Variants in ISM2 observed in about 807,000 individuals in gnomAD.
ISM2 encodes isthmin-2.
In ISM2, 50 loss-of-function variants were observed where a neutral mutation model predicts 58.0. That is an observed-to-expected ratio of 0.86 (90% CI 0.69 to 1.09). The LOEUF (loss-of-function observed/expected upper bound fraction) is 1.09, where lower values mean the gene tolerates loss of function less well. Ranked by LOEUF, ISM2 falls within the 50% of genes least tolerant of loss-of-function variation. The probability of loss-of-function intolerance (pLI) is 0.00; values close to 1 mark genes in which losing one functional copy is unlikely to be tolerated. For missense variants in ISM2, 723 were observed against 745.0 expected (o/e 0.97, Z 0.34); for synonymous variants, 303 against 312.4 (o/e 0.97, Z 0.32).
intron 1 of ISM2, 47 bp from the exon 2 acceptor site, chr14:77,484,966 C>T: frequency 6.8e-7 from 1 of 1,480,650 alleles, no homozygotes; most frequent in Non-Finnish European, 9.0e-7. Flanking sequence ...GGGCTCACCC[C>T]ACGGGGATCC....
chr14:77,490,782 G>A (rs1019460695), intron 1 of ISM2, among the ~76,000 whole-genome samples: 3 of 152,204 alleles, frequency 2.0e-5, no homozygotes, highest in African/African-American at 7.2e-5. Context: ...AGACTTGCCT[G>A]AGGCCTCTGG....
Position 77,475,818 on chromosome 14 carries a change from C to T in ISM2, c.1493G>A (p.Ser498Asn), listed in dbSNP as rs1259791010. 7 of 1,612,532 alleles carry T rather than the reference C, an allele frequency of 4.3e-6. No homozygotes were observed. The highest frequency in any genetic ancestry group is 5.9e-6 in the Non-Finnish European group (7 of 1,179,662). ...AAQHCCYDED[S>N]RLLTRGKGAG... The stretch of plus-strand genomic sequence containing the variant: ...GCCCTTGCCACGGGTCAGCAGCCGG[C>T]TGTCCTCGTCATAGCAGCAGTGCTG... Residue 498 changes from serine (S) to asparagine (N), a missense_variant, in exon 7 of 7, where the codon AGC becomes AAC. Ser to Asn is a conservative substitution (Grantham distance 46). Transcript: ENST00000342219. This position sits in a 1 kb window ranked among gnomAD's most constrained non-coding sequence, Gnocchi z 4.1.
At chr14:77,495,031 C>A (rs970446312) in intron 1 of ISM2, among the ~76,000 whole-genome samples, 1 of 151,942 alleles carries the variant, frequency 6.6e-6, no homozygotes, top group African/African-American at 2.4e-5. Flanking sequence ...CTACGGGGGG[C>A]GCACCATCAC....
intron 1 of ISM2, among the ~76,000 whole-genome samples, chr14:77,490,634 C>G (rs2079197727): frequency 6.6e-6 from 1 of 152,232 alleles, no homozygotes; most frequent in Non-Finnish European, 1.5e-5. Context: ...AGTGGCTGCA[C>G]CTTCTGGTTT....
At chr14:77,495,024 C>T (rs116937895) in intron 1 of ISM2, among the ~76,000 whole-genome samples, 10,435 of 152,032 alleles carry the variant, frequency 0.069, 537 homozygotes, top group Admixed American at 0.16. Context: ...GCTGAGACTA[C>T]GGGGGGCGCA....
chr14:77,482,539 G>T lies in ISM2; in HGVS notation c.756C>A (p.Asp252Glu). 6.2e-7 allele frequency: 1 copy of T among 1,613,968 alleles called. No individual in the cohort carries two copies. Among genetic ancestry groups the T allele is most frequent in the African/African-American group, 1.3e-5 (1 of 74,976 alleles). Residue 252 changes from aspartate to glutamate, a missense_variant, in exon 4 of 7, where the codon GAC becomes GAA. Coordinates refer to ENST00000342219, the MANE Select transcript of ISM2 (RefSeq NM_199296.3). ...CCCTGTCTTTTTCCTCTCCTTTGTA[G>T]TCTCCCCAGAGGAAGGACCAGAGGG... Reference protein sequence around the residue: ...LPALWSFLWGDYKGEEKDRAP... With the variant: ...LPALWSFLWGEYKGEEKDRAP...
intron 3 of ISM2, 112 bp downstream of exon 3, chr14:77,484,211 C>T: frequency 7.1e-7 from 1 of 1,406,716 alleles, no homozygotes; most frequent in Non-Finnish European, 9.7e-7. Context: ...TGACCCCACA[C>T]AGCAGCCCCA....
At chr14:77,490,520 A>T (rs568138129) in intron 1 of ISM2, among the ~76,000 whole-genome samples, 14 of 152,352 alleles carry the variant, frequency 9.2e-5, no homozygotes, top group Admixed American at 2.6e-4. Flanking sequence ...AGGTAACGTA[A>T]CTTGCCTGGA....
chr14:77,487,007 T>A (rs1282558228), intron 1 of ISM2, among the ~76,000 whole-genome samples: 4 of 151,704 alleles, frequency 2.6e-5, no homozygotes, highest in Non-Finnish European at 5.9e-5. Flanking sequence ...TTTGGGAGGC[T>A]GAGGCGGGTG....
chr14:77,492,443 C>G lies in ISM2; in HGVS notation c.141+6210G>C, dbSNP rs556494758. ...TGTTTGAGTGGTGTTCTCATCCTAA[C>G]TAGAACAGAAAATACCCAAGACAGA... On this transcript the variant is annotated intron_variant, in intron 1 of 6. Transcript: ENST00000342219. 1.4e-3 allele frequency among the ~76,000 whole-genome samples: 209 copies of G among 151,404 alleles called. 6 individuals carry two copies. The South Asian group carries it at 0.041, about 30-fold the overall frequency.
At chr14:77,481,828 A>G (rs371219150) in intron 4 of ISM2, among the ~76,000 whole-genome samples, 1 of 152,042 alleles carries the variant, frequency 6.6e-6, no homozygotes, top group African/African-American at 2.4e-5. Context: ...GGCTGGGCAC[A>G]GTGGCTCATG....
chr14:77,481,995 A>AGGCTAAGGTGGGAG (rs1230694968), intron 4 of ISM2, among the ~76,000 whole-genome samples: 1 of 151,090 alleles, frequency 6.6e-6, no homozygotes, highest in Non-Finnish European at 1.5e-5. Context: ...AGCTATTCGG[A>AGGCTAAGGTGGGAG]GGCTAAGGTG....
chr14:77,493,654 G>T (rs1445382099), intron 1 of ISM2, among the ~76,000 whole-genome samples: 1 of 151,722 alleles, frequency 6.6e-6, no homozygotes, highest in African/African-American at 2.4e-5. Flanking sequence ...TGGAGATGGG[G>T]TGTCTCCATG....
In ISM2 at chr14:77,498,789, C is replaced by A. The variant is rs1594958943; in HGVS notation, c.5G>T (p.Arg2Leu). The A allele has an allele frequency of 1.4e-6, 2 of 1,440,720 alleles. No individual in the cohort carries two copies. The highest frequency in any genetic ancestry group is 1.8e-6 in the Non-Finnish European group (2 of 1,106,624). 89.2% of individuals were successfully genotyped at this position (1,440,720 alleles called of 1,614,324 possible). Residue 2 changes from arginine to leucine, a missense_variant, in exon 1 of 7, where the codon CGT becomes CTT. Physicochemically the swap from Arg to Leu is moderately radical, Grantham distance 102 (BLOSUM62 -2). Transcript: ENST00000342219. Reference protein sequence around the residue: MRALRDRAGLLL... With the variant: MLALRDRAGLLL... ...GAGCCCGGCTCGGTCGCGGAGCGCA[C>A]GCATCGTCTCGGTTCCGAGGCTGCT... is the stretch of plus-strand genomic sequence containing the variant.
chr14:77,487,496 C>G (rs75688223), intron 1 of ISM2, among the ~76,000 whole-genome samples: 10 of 152,182 alleles, frequency 6.6e-5, no homozygotes, highest in African/African-American at 2.4e-4. Context: ...TCTCTACCCA[C>G]TCCTCTCCCT....
chr14:77,494,818 T>C (rs1057257256), intron 1 of ISM2, among the ~76,000 whole-genome samples: 2 of 152,190 alleles, frequency 1.3e-5, no homozygotes, highest in East Asian at 1.9e-4. Flanking sequence ...TGAAGACTCA[T>C]GGAACGATGT....
rs768574092 is a variant in ISM2 at position 77,484,316 on chromosome 14, C to T, written c.627+7G>A. The stretch of plus-strand genomic sequence containing the variant: ...TGCAGGGCTGCTGGCCCTTCTGTAG[C>T]TCTCACCTGGTTATCAGGGTTAGGG... On this transcript the variant is annotated splice_region_variant and intron_variant, in intron 3 of 6. Coordinates refer to ENST00000342219, the MANE Select transcript of ISM2 (RefSeq NM_199296.3). The T allele has an allele frequency of 1.2e-5, 19 of 1,609,246 alleles. No individual in the cohort carries two copies. The highest frequency in any genetic ancestry group is 1.6e-5 in the Non-Finnish European group (19 of 1,177,332).
intron 1 of ISM2, among the ~76,000 whole-genome samples, chr14:77,487,759 C>A (rs2079177167): frequency 6.6e-6 from 1 of 152,068 alleles, no homozygotes; most frequent in Non-Finnish European, 1.5e-5. Flanking sequence ...CCAGGAGATG[C>A]CAGAAGAGGG....
At chr14:77,484,165 C>A (rs2079150937) in intron 3 of ISM2, 158 bp downstream of exon 3, 7 of 932,664 alleles carry the variant, frequency 7.5e-6, no homozygotes, top group Non-Finnish European at 9.7e-6. Context: ...TCCTCTGCCC[C>A]CTACACCACA....
Sources: gnomAD v4.1 joint callset for allele counts (sites outside exome capture counted in the v4.1 genomes callset) on GRCh38, gnomAD v4.1.1 for gene constraint, Gnocchi (gnomAD v3.1) non-coding constraint, MANE v1.5 for transcripts, NCBI Gene and HGNC (gene_info 2026-07-23, HGNC 2026-07-21) for gene names.